Variants in CRYM observed in about 807,000 individuals in gnomAD.
The protein encoded by CRYM is crystallin mu, also known as ketimine reductase mu-crystallin.
CRYM carries 18 observed loss-of-function variants against 32.9 expected under a neutral mutation model. The observed-to-expected ratio is 0.55, with a 90% CI of 0.38 to 0.81. The LOEUF (loss-of-function observed/expected upper bound fraction) is 0.81. Ranked by LOEUF, CRYM falls within the 30% of genes least tolerant of loss-of-function variation. CRYM has a pLI of 0.00. For synonymous variants in CRYM, 153 were observed against 152.4 expected (o/e 1.00, Z -0.03); for missense variants, 337 against 393.5 (o/e 0.86, Z 1.21).
At chr16:21,298,452 G>A (rs558728690) in intron 1 of CRYM, among the ~76,000 whole-genome samples, 2 of 152,320 alleles carry the variant, frequency 1.3e-5, no homozygotes, top group African/African-American at 4.8e-5. Flanking sequence ...TTACTGTGCA[G>A]AAAGGAAAAT....
intron 2 of CRYM, among the ~76,000 whole-genome samples, chr16:21,276,058 A>G (rs2093385626): frequency 6.6e-6 from 1 of 152,198 alleles, no homozygotes; most frequent in Non-Finnish European, 1.5e-5. Context: ...AGATGCTCAG[A>G]TACCACCCTT....
chr16:21,280,178 G>A (rs376170868), upstream of CRYM, among the ~76,000 whole-genome samples: 24 of 152,264 alleles, frequency 1.6e-4, no homozygotes, highest in African/African-American at 5.8e-4. Context: ...TGAGGAGTTC[G>A]AGACCAGCCT....
intron 1 of CRYM, among the ~76,000 whole-genome samples, chr16:21,293,296 G>A (rs776991519): frequency 6.6e-5 from 10 of 152,168 alleles, no homozygotes; most frequent in Non-Finnish European, 1.5e-4. Context: ...AAAAGACAGC[G>A]TAGATTGAAA....
intron 5 of CRYM, 78 bp downstream of exon 5, chr16:21,267,476 G>C: frequency 6.9e-7 from 1 of 1,459,148 alleles, no homozygotes; most frequent in Non-Finnish European, 9.6e-7. Flanking sequence ...AACTGGCTCT[G>C]CAAATGTAGT....
chr16:21,282,572 AT>A (rs1006642675), upstream of CRYM, among the ~76,000 whole-genome samples: 1 of 152,200 alleles, frequency 6.6e-6, no homozygotes, highest in Non-Finnish European at 1.5e-5. Context: ...TAGAAATCTT[AT>A]TTCTGACTCC....
At chr16:21,302,220 CTG>C (rs754151631) in intron 1 of CRYM, among the ~76,000 whole-genome samples, 2 of 152,224 alleles carry the variant, frequency 1.3e-5, no homozygotes, top group Non-Finnish European at 2.9e-5. Context: ...AATTTATTTG[CTG>C]TGACCTATGG....
In CRYM at chr16:21,275,400, C is replaced by G. The variant is rs538838257; in HGVS notation, c.387+132G>C. Reference sequence around the variant, plus strand: ...TTTCGTGAATTACTGATATATCTGACATCTGGAGTTCCAGCTATGTCCAAC... The same window carrying G: ...TTTCGTGAATTACTGATATATCTGAGATCTGGAGTTCCAGCTATGTCCAAC... On this transcript the variant is annotated intron_variant, in intron 3 of 7. Transcript: ENST00000572914. The G allele has an allele frequency of 2.6e-5, 19 of 734,618 alleles. No homozygotes were observed. In the African/African-American group the frequency reaches 2.9e-4, roughly 11 times the overall value. The allele number at this position is 734,618 out of a possible 1,614,324, so 45.5% of individuals were successfully genotyped here. A position where few individuals can be genotyped will look rare whatever the true frequency, so the allele number is the denominator to read the frequency against.
rs911544434 is a variant in CRYM at position 21,258,852 on chromosome 16, T to C, written c.881-7A>G. On this transcript the variant is annotated splice_region_variant and splice_polypyrimidine_tract_variant and intron_variant, in intron 7 of 7. Transcript: ENST00000572914. ...GTGTCTTCCACTGCCATTCCTAGAA[T>C]AGACAGAAATTTGGTTCGCCTTTGG... 6.2e-7 allele frequency: 1 copy of C among 1,614,020 alleles called. No individual in the cohort carries two copies. The highest frequency in any genetic ancestry group is 2.2e-5 in the East Asian group (1 of 44,880).
intron 6 of CRYM, chr16:21,261,609 A>G (rs2093354630): frequency 5.6e-6 from 3 of 540,356 alleles, no homozygotes; most frequent in Admixed American, 3.1e-5. Flanking sequence ...TCATTGTGTC[A>G]GTGAGGAAAT....
At chr16:21,283,543 C>A (rs1238380675) in intron 1 of CRYM, 1 of 151,928 alleles carries the variant, frequency 6.6e-6, no homozygotes, top group Non-Finnish European at 1.5e-5. Context: ...GTCTCATTCC[C>A]CTTATCCCTA....
chr16:21,299,342 T>A (rs925781547), intron 1 of CRYM, among the ~76,000 whole-genome samples: 22 of 151,988 alleles, frequency 1.4e-4, no homozygotes, highest in Non-Finnish European at 2.9e-4. Context: ...AGAGTCTCAC[T>A]CTGTCACCCA....
At chr16:21,262,189 A>G (rs373539328) in intron 5 of CRYM, 31 bp from the exon 6 acceptor site, 279 of 1,613,494 alleles carry the variant, frequency 1.7e-4, no homozygotes, top group Non-Finnish European at 2.1e-4. Flanking sequence ...CCTTAAGCCC[A>G]GGATTAGTGC....
At chr16:21,297,065 G>A (rs946400855) in intron 1 of CRYM, among the ~76,000 whole-genome samples, 3 of 151,118 alleles carry the variant, frequency 2.0e-5, no homozygotes, top group African/African-American at 4.9e-5. Flanking sequence ...CACAAGCAAG[G>A]TTTTTACCTC....
In CRYM at chr16:21,267,603, T is replaced by A. The variant is rs2093366654; in HGVS notation, c.624A>T (p.Thr208=). The change falls in exon 5 of 8, where the codon ACA becomes ACT. Residue 208 remains threonine (T), a synonymous_variant. Coordinates refer to ENST00000572914, the MANE Select transcript of CRYM (RefSeq NM_001376256.1). ...ADVIITVTLA[T]EPILFGEWVK... is the part of the protein sequence containing the mutation. ...CCCATTCACCAAACAAAATGGGCTC[T>A]GTTGCCAGGGTGACTGTGATGATCA... 5.6e-6 allele frequency: 9 copies of A among 1,614,212 alleles called. No individual in the cohort carries two copies. The highest frequency in any genetic ancestry group is 7.6e-6 in the Non-Finnish European group (9 of 1,180,024).
rs1470585145 is a variant in CRYM, at chr16:21,277,787, C to T, written c.171-203G>A. On this transcript the variant is annotated intron_variant, in intron 1 of 7. Transcript: ENST00000572914. This position sits in a 1 kb window ranked among gnomAD's most constrained non-coding sequence, Gnocchi z 4.2. The stretch of plus-strand genomic sequence containing the variant: ...TCTGGATCAGAAAACCTTTCCAGCT[C>T]TGCCACTTAGTAGCTGTGTAAGCTT... Among the ~76,000 whole-genome samples, 1 of 152,196 alleles carries T rather than the reference C, an allele frequency of 6.6e-6. No homozygotes were observed. The highest frequency in any genetic ancestry group is 1.5e-5 in the Non-Finnish European group (1 of 68,038).
chr16:21,272,027 T>C (rs1019425226), intron 3 of CRYM, among the ~76,000 whole-genome samples: 1 of 145,814 alleles, frequency 6.9e-6, no homozygotes, highest in Non-Finnish European at 1.5e-5. Context: ...CTTGGCTAAT[T>C]TTTTTTTTTT....
Position 21,277,542 on chromosome 16 carries a change from TGCATC to T in CRYM, c.208_212del (p.Asp70ThrfsTer29). On this transcript the variant is annotated frameshift_variant, in exon 2 of 8. Transcript: ENST00000572914. LOFTEE classifies it high-confidence loss of function. This position sits in a 1 kb window ranked among gnomAD's most constrained non-coding sequence, Gnocchi z 4.2. ...AGAAGGTGACCAACTTGGTGGTCAG[TGCATC>T]CTCTGCAGCACTGTAGGCGGGCATG... 1 of 1,613,988 alleles carries T rather than the reference TGCATC, an allele frequency of 6.2e-7. No individual in the cohort carries two copies. The highest frequency in any genetic ancestry group is 8.5e-7 in the Non-Finnish European group (1 of 1,179,996).
chr16:21,281,527 G>A (rs773511175), upstream of CRYM, among the ~76,000 whole-genome samples: 149 of 152,042 alleles, frequency 9.8e-4, 1 homozygote, highest in Non-Finnish European at 1.6e-3. Context: ...CACCGTGCCC[G>A]GCTGAAGATA....
chr16:21,288,613 ATC>A (rs2093411214), intron 1 of CRYM, among the ~76,000 whole-genome samples: 1 of 151,840 alleles, frequency 6.6e-6, no homozygotes, highest in African/African-American at 2.4e-5. Context: ...TTCTCTATTT[ATC>A]TCTGTTTTAG....
Sources: allele counts gnomAD v4.1 joint callset (sites outside exome capture counted in the v4.1 genomes callset), GRCh38; gene constraint gnomAD v4.1.1; non-coding constraint Gnocchi (gnomAD v3.1); transcripts MANE v1.5; gene names NCBI Gene and HGNC (gene_info 2026-07-23, HGNC 2026-07-21).